Variants in IQSEC3 observed in about 807,000 individuals in gnomAD.
IQSEC3 encodes the protein IQ motif and Sec7 domain ArfGEF 3.
Under a neutral mutation model 105.4 loss-of-function variants are expected in IQSEC3, and 50 were observed. The observed-to-expected ratio is 0.47, with a 90% confidence interval of 0.38 to 0.60. The LOEUF (loss-of-function observed/expected upper bound fraction) is 0.60, where lower values mean the gene tolerates loss of function less well. Among genes scored for constraint, IQSEC3 ranks in the 20% least tolerant of loss-of-function variants. The pLI, the probability that IQSEC3 is intolerant of heterozygous loss-of-function variation, is 0.00. For missense variants in IQSEC3, 1,415 were observed against 1,630.0 expected, an observed-to-expected ratio of 0.87 and a Z score of 2.27; for synonymous variants, 708 against 746.0, an observed-to-expected ratio of 0.95 and a Z score of 0.83.
chr12:95,650 G>T (rs1864222088), intron 1 of IQSEC3, among the ~76,000 whole-genome samples: 1 of 152,108 alleles, frequency 6.6e-6, no homozygotes, highest in Non-Finnish European at 1.5e-5. Context: ...TATATAAATA[G>T]AGTACACATG....
rs1939233385 is a variant in IQSEC3, at chr12:176,246, G to A, written c.*1213G>A. ...TCGCTGACCTCCCAGGGCCCAGCAA[G>A]ATGGGATAGCCAGCCTTAGGTGGCC... On this transcript the variant is annotated 3_prime_UTR_variant, in exon 14 of 14. Transcript: ENST00000538872. The surrounding 1 kb of genome is among the most constrained non-coding windows in gnomAD (Gnocchi z 4.0). The A allele has an allele frequency of 6.6e-6, 1 of 152,278 alleles. No homozygotes were observed. The highest frequency in any genetic ancestry group is 2.4e-5 in the African/African-American group (1 of 41,458). 9.4% of individuals were successfully genotyped at this position (152,278 alleles called of 1,614,324 possible). A position where few individuals can be genotyped will look rare whatever the true frequency, so the allele number is the denominator to read the frequency against.
intron 12 of IQSEC3, among the ~76,000 whole-genome samples, chr12:170,900 C>CAATCTTCTA (rs1938953843): frequency 1.3e-5 from 2 of 152,226 alleles, no homozygotes; most frequent in African/African-American, 4.8e-5. Flanking sequence ...AGAGCGGCAG[C>CAATCTTCTA]GATCTTCTAG....
At chr12:69,676 T>C (rs759854538) in intron 1 of IQSEC3, among the ~76,000 whole-genome samples, 1 of 152,268 alleles carries the variant, frequency 6.6e-6, no homozygotes, top group Non-Finnish European at 1.5e-5. Context: ...TCTCCTTCCT[T>C]GGATGTGAAA....
chr12:165,729 A>T lies in IQSEC3; in HGVS notation c.2810A>T (p.Tyr937Phe). The change falls in exon 11 of 14, where the codon TAT becomes TTT. Residue 937 changes from tyrosine to phenylalanine, a missense_variant and splice_region_variant. By Grantham distance (22) the Tyr-to-Phe change is conservative. This residue lies in a region of IQSEC3 where 419 missense variants were observed against 436.2 expected (regional missense o/e 0.96). Transcript: ENST00000538872. ...TGGGGGCCTGGGGTCTGCTTTCCAGATTACTCTCATGGCATCACACTGGTG... is the reference window on the plus strand; with the variant it reads ...TGGGGGCCTGGGGTCTGCTTTCCAGTTTACTCTCATGGCATCACACTGGTG... ...GMQFQLFENEYYSHGITLVTP... is the reference protein window; with the variant it reads ...GMQFQLFENEFYSHGITLVTP... The T allele has an allele frequency of 6.2e-7, 1 of 1,613,510 alleles. No individual in the cohort carries two copies. Among genetic ancestry groups the T allele is most frequent in the Non-Finnish European group, 8.5e-7 (1 of 1,179,884 alleles).
chr12:141,876 C>T (rs1420504730), intron 5 of IQSEC3: 1 of 152,364 alleles, frequency 6.6e-6, no homozygotes, highest in Non-Finnish European at 1.5e-5. Flanking sequence ...GGTGGGGACC[C>T]CCAGGGGGCT....
At position 140,963 on chromosome 12, in the gene IQSEC3, G is replaced by A. The variant is rs965142991; in HGVS notation, c.1992-161G>A. The A allele has an allele frequency of 3.2e-5, 21 of 661,974 alleles. 1 individual carries two copies. Among genetic ancestry groups the A allele is most frequent in the East Asian group, 5.5e-5 (2 of 36,594 alleles). The allele number at this position is 661,974 out of a possible 1,614,324, so 41.0% of individuals were successfully genotyped here. A position where few individuals can be genotyped will look rare whatever the true frequency, so the allele number is the denominator to read the frequency against. On this transcript the variant is annotated intron_variant, in intron 4 of 13. Transcript: ENST00000538872. ...CTTCTGGTCACACACCATCCTCTGC[G>A]TGAGGACATTCAGTGGGTTGAGGCT...
intron 2 of IQSEC3, among the ~76,000 whole-genome samples, chr12:121,387 G>A (rs2136960545): frequency 6.6e-6 from 1 of 152,346 alleles, no homozygotes; most frequent in East Asian, 1.9e-4. Flanking sequence ...AACAGAGGCT[G>A]AGGACATGCT....
At position 165,549 on chromosome 12, in the gene IQSEC3, C is replaced by CCAGTGTAAGTCTTTGACAGA; in HGVS notation, c.2809+32_2809+33insCAGACAGTGTAAGTCTTTGA. ...GAGAACGAGTGTAAGTCTTTGACAG[C>CCAGTGTAAGTCTTTGACAGA]CAGTGTAAGTCTTTGAGAAGGAATG... On this transcript the variant is annotated intron_variant, in intron 10 of 13. Transcript: ENST00000538872. 6.2e-7 allele frequency: 1 copy of CCAGTGTAAGTCTTTGACAGA among 1,606,102 alleles called. No individual in the cohort carries two copies. The highest frequency in any genetic ancestry group is 8.5e-7 in the Non-Finnish European group (1 of 1,172,740).
At chr12:70,969 A>G (rs138254041) in intron 1 of IQSEC3, among the ~76,000 whole-genome samples, 2,178 of 151,390 alleles carry the variant, frequency 0.014, no homozygotes, top group East Asian at 0.12. Context: ...CTCCCCTTCT[A>G]CCTCTCCCCC....
chr12:71,427 A>G (rs1471091657), intron 1 of IQSEC3, among the ~76,000 whole-genome samples: 3 of 152,292 alleles, frequency 2.0e-5, no homozygotes, highest in Non-Finnish European at 4.4e-5. Context: ...TGCCTAAACA[A>G]GTGTAAGTAT....
At chr12:120,681 T>C (rs782160657) in intron 2 of IQSEC3, among the ~76,000 whole-genome samples, 4 of 152,224 alleles carry the variant, frequency 2.6e-5, no homozygotes, top group Non-Finnish European at 5.9e-5. Flanking sequence ...CTTTGGCACA[T>C]GTGATATTCC....
At chr12:78,124 C>T (rs1555069782) in intron 1 of IQSEC3, among the ~76,000 whole-genome samples, 1 of 151,008 alleles carries the variant, frequency 6.6e-6, no homozygotes, top group Non-Finnish European at 1.5e-5. Context: ...CCCCCGCCTC[C>T]CCGCGCCCCA....
intron 5 of IQSEC3, among the ~76,000 whole-genome samples, chr12:147,146 C>T (rs1476084909): frequency 6.6e-6 from 1 of 152,200 alleles, no homozygotes. Context: ...AGGAGTCAGT[C>T]TCCTCTGTGT....
intron 3 of IQSEC3, 107 bp downstream of exon 3, chr12:126,019 A>C: frequency 8.6e-7 from 1 of 1,166,978 alleles, no homozygotes; most frequent in Non-Finnish European, 1.2e-6. Flanking sequence ...CGCTACAGGC[A>C]CACCTCTTTT....
intron 1 of IQSEC3, among the ~76,000 whole-genome samples, chr12:85,824 CGTGT>C (rs1555071945): frequency 6.6e-6 from 1 of 152,096 alleles, no homozygotes; most frequent in Non-Finnish European, 1.5e-5. Flanking sequence ...CTGCCTTGAG[CGTGT>C]GTTGATACTG....
intron 2 of IQSEC3, among the ~76,000 whole-genome samples, chr12:120,894 T>A (rs1865196410): frequency 6.6e-6 from 1 of 152,164 alleles, no homozygotes; most frequent in Non-Finnish European, 1.5e-5. Flanking sequence ...ACGTTCTACT[T>A]TTGGCTTCTC....
At chr12:162,968 C>T (rs182384103) in intron 8 of IQSEC3, among the ~76,000 whole-genome samples, 2 of 152,204 alleles carry the variant, frequency 1.3e-5, no homozygotes, top group Admixed American at 1.3e-4. Context: ...TATTCCTGTC[C>T]CTCTATCCCC....
intron 1 of IQSEC3, among the ~76,000 whole-genome samples, chr12:71,381 T>C (rs1863311070): frequency 6.6e-6 from 1 of 152,400 alleles, no homozygotes; most frequent in Admixed American, 6.5e-5. Context: ...AAGCAAATGG[T>C]CCTTGCTCAA....
intron 1 of IQSEC3, among the ~76,000 whole-genome samples, chr12:91,334 G>A (rs763259271): frequency 7.9e-5 from 12 of 152,154 alleles, no homozygotes; most frequent in Non-Finnish European, 8.8e-5. Context: ...AAGTTACAGC[G>A]CACAGCCTCC....
Sources: gnomAD v4.1 joint callset for allele counts (sites outside exome capture counted in the v4.1 genomes callset) on GRCh38, gnomAD v4.1.1 for gene constraint, gnomAD v4.1.1 regional missense constraint, Gnocchi (gnomAD v3.1) non-coding constraint, MANE v1.5 for transcripts, NCBI Gene and HGNC (gene_info 2026-07-23, HGNC 2026-07-21) for gene names.